Variants in ELOVL5 observed in about 807,000 individuals in gnomAD.
The protein encoded by ELOVL5 is ELOVL fatty acid elongase 5, also known as very long chain fatty acid elongase 5.
Under a neutral mutation model 38.6 loss-of-function variants are expected in ELOVL5, and 8 were observed. The ratio of observed to expected loss-of-function variants is 0.21; its 90% CI spans 0.12 to 0.37. The LOEUF (loss-of-function observed/expected upper bound fraction) is 0.37, where lower values mean the gene tolerates loss of function less well. Ranked by LOEUF, ELOVL5 falls within the 10% of genes least tolerant of loss-of-function variation. ELOVL5 has a pLI of 1.00. For missense variants in ELOVL5, 280 were observed against 367.8 expected, an observed-to-expected ratio of 0.76 and a Z score of 1.95; for synonymous variants, 127 against 133.7, an observed-to-expected ratio of 0.95 and a Z score of 0.34.
At chr6:53,276,421 T>C (rs145155789) in intron 3 of ELOVL5, among the ~76,000 whole-genome samples, 165 bp from the exon 4 acceptor site, 18 of 152,294 alleles carry the variant, frequency 1.2e-4, no homozygotes, top group African/African-American at 4.3e-4. Flanking sequence ...AAGGAAAGCT[T>C]TAATGACTTG....
intron 1 of ELOVL5, among the ~76,000 whole-genome samples, chr6:53,319,233 T>C (rs866861499): frequency 1.5e-5 from 2 of 132,188 alleles, no homozygotes; most frequent in African/African-American, 6.1e-5. Context: ...ATCCCGCCAC[T>C]GCACTCCAGC....
intron 3 of ELOVL5, among the ~76,000 whole-genome samples, chr6:53,276,692 T>G (rs1202238957): frequency 2.0e-5 from 3 of 151,986 alleles, no homozygotes; most frequent in African/African-American, 7.2e-5. Context: ...AAAACATGGG[T>G]CCCTGGGGGT....
intron 1 of ELOVL5, among the ~76,000 whole-genome samples, chr6:53,318,298 T>C (rs960043256): frequency 6.6e-6 from 1 of 152,202 alleles, no homozygotes; most frequent in Non-Finnish European, 1.5e-5. Flanking sequence ...TTCTACCATC[T>C]ATGATTAAGT....
At chr6:53,277,348 T>C (rs1766178725) in intron 3 of ELOVL5, among the ~76,000 whole-genome samples, 1 of 152,060 alleles carries the variant, frequency 6.6e-6, no homozygotes, top group Non-Finnish European at 1.5e-5. Context: ...AAAAAAGCAC[T>C]GAGAGTTAAC....
intron 1 of ELOVL5, among the ~76,000 whole-genome samples, chr6:53,324,456 G>A (rs1004215461): frequency 6.6e-6 from 1 of 151,512 alleles, no homozygotes; most frequent in Non-Finnish European, 1.5e-5. Flanking sequence ...CAGGCAGATC[G>A]TTTGAGCCCA....
At chr6:53,337,662 T>C (rs1769132524) in intron 1 of ELOVL5, among the ~76,000 whole-genome samples, 1 of 152,228 alleles carries the variant, frequency 6.6e-6, no homozygotes, top group Non-Finnish European at 1.5e-5. Context: ...AATTGCTAGA[T>C]ACCTACACTA....
chr6:53,289,316 A>G (rs1766685796), intron 3 of ELOVL5, among the ~76,000 whole-genome samples: 1 of 152,214 alleles, frequency 6.6e-6, no homozygotes, highest in Admixed American at 6.5e-5. Flanking sequence ...CATTTCTCTA[A>G]AATGAGGGGC....
chr6:53,294,253 T>C (rs1277716952), intron 2 of ELOVL5: 1 of 1,540,190 alleles, frequency 6.5e-7, no homozygotes, highest in African/African-American at 1.4e-5. Context: ...AGTCAATCTG[T>C]GGTGGTCCTA....
At chr6:53,333,250 C>T (rs1304170095) in intron 1 of ELOVL5, among the ~76,000 whole-genome samples, 1 of 152,224 alleles carries the variant, frequency 6.6e-6, no homozygotes, top group African/African-American at 2.4e-5. Flanking sequence ...AACTAGACCT[C>T]TGAAAGATCA....
rs1423562673 is a variant in ELOVL5, at chr6:53,268,745, A to G, written c.*382T>C. On this transcript the variant is annotated 3_prime_UTR_variant, in exon 8 of 8. Coordinates refer to ENST00000304434, the MANE Select transcript of ELOVL5 (RefSeq NM_021814.5). ...TGTTTCTCTACCATAACAACATTGT[A>G]CAAATTTACATTTACAATCACATGC... 6.3e-6 allele frequency: 1 copy of G among 157,704 alleles called. No individual in the cohort carries two copies. The highest frequency in any genetic ancestry group is 2.4e-5 in the African/African-American group (1 of 41,680). The allele number at this position is 157,704 out of a possible 1,614,324, so 9.8% of individuals were successfully genotyped here. A position where few individuals can be genotyped will look rare whatever the true frequency, so the allele number is the denominator to read the frequency against.
At chr6:53,292,059 T>A in intron 2 of ELOVL5, 96 bp from the exon 3 acceptor site, 1 of 680,420 alleles carries the variant, frequency 1.5e-6, no homozygotes, top group Non-Finnish European at 2.4e-6. Flanking sequence ...AAAAGTCACC[T>A]GGTATTCATG....
intron 3 of ELOVL5, among the ~76,000 whole-genome samples, chr6:53,288,446 A>G (rs1436423683): frequency 6.6e-6 from 1 of 152,236 alleles, no homozygotes; most frequent in Non-Finnish European, 1.5e-5. Context: ...AACCCCTAAT[A>G]AGCAAAAGCA....
intron 3 of ELOVL5, chr6:53,287,824 T>C (rs1315692693): frequency 6.6e-7 from 1 of 1,511,150 alleles, no homozygotes. Context: ...ACAGTGTTCC[T>C]GGGGAATTCA....
intron 1 of ELOVL5, 70 bp downstream of exon 1, chr6:53,348,747 C>T (rs1769696306): frequency 2.2e-6 from 1 of 448,808 alleles, no homozygotes; most frequent in Non-Finnish European, 4.4e-6. Context: ...GCTTCCCGGC[C>T]GCGCGCTCGC....
chr6:53,299,142 A>C (rs1767143531), intron 1 of ELOVL5, among the ~76,000 whole-genome samples: 1 of 152,246 alleles, frequency 6.6e-6, no homozygotes, highest in South Asian at 2.1e-4. Flanking sequence ...AGCAAAAACA[A>C]AATCCAGTTT....
At chr6:53,271,702 T>C (rs1242502363) in intron 6 of ELOVL5, among the ~76,000 whole-genome samples, 1 of 152,318 alleles carries the variant, frequency 6.6e-6, no homozygotes, top group African/African-American at 2.4e-5. Flanking sequence ...CAAGAGATCC[T>C]TCTACCTCAG....
At chr6:53,332,261 T>C (rs541440332) in intron 1 of ELOVL5, among the ~76,000 whole-genome samples, 118 of 152,316 alleles carry the variant, frequency 7.7e-4, no homozygotes, top group Non-Finnish European at 1.5e-3. Flanking sequence ...ACATTCAGTA[T>C]GGTATTAAGA....
At chr6:53,341,144 A>G (rs1769306998) in intron 1 of ELOVL5, among the ~76,000 whole-genome samples, 1 of 152,240 alleles carries the variant, frequency 6.6e-6, no homozygotes, top group South Asian at 2.1e-4. Flanking sequence ...TTCCCCAAAA[A>G]AGAGGTTTAA....
At chr6:53,333,161 C>T (rs558717555) in intron 1 of ELOVL5, among the ~76,000 whole-genome samples, 1 of 148,032 alleles carries the variant, frequency 6.8e-6, no homozygotes, top group African/African-American at 2.5e-5. Flanking sequence ...AGTGTTAATC[C>T]TGTGTGAACC....
Sources: gnomAD v4.1 joint callset for allele counts (sites outside exome capture counted in the v4.1 genomes callset) on GRCh38, gnomAD v4.1.1 for gene constraint, MANE v1.5 for transcripts, NCBI Gene and HGNC (gene_info 2026-07-23, HGNC 2026-07-21) for gene names.